The following USP9Y variants were observed in gnomAD, a reference collection of about 807,000 sequenced individuals.
The protein encoded by USP9Y is ubiquitin carboxyl-terminal hydrolase 9Y.
A neutral mutation model predicts 53.1 loss-of-function variants in USP9Y; 41 were observed. The observed-to-expected ratio is 0.77, with a 90% CI of 0.60 to 1.00. The LOEUF is 1.00. Among genes scored for constraint, USP9Y ranks in the 50% least tolerant of loss-of-function variants. USP9Y has a pLI of 0.00. For missense variants in USP9Y, 567 were observed against 535.8 expected, an observed-to-expected ratio of 1.06 and a Z score of -0.58; for synonymous variants, 220 against 173.7, an observed-to-expected ratio of 1.27 and a Z score of -2.09.
At position 12,811,655 on chromosome Y, in the gene USP9Y, T is replaced by C. The variant is rs1169201631; in HGVS notation, c.4260T>C (p.Gly1420=). 1 of 397,647 alleles carries C rather than the reference T, an allele frequency of 2.5e-6. No individual in the cohort carries two copies. Among genetic ancestry groups the C allele is most frequent in the Non-Finnish European group, 3.5e-6 (1 of 282,868 alleles). The change falls in exon 30 of 46, where the codon GGT becomes GGC. Residue 1420 remains glycine, a synonymous_variant. Transcript: ENST00000338981. ...KRIRDNVKNT[G]ETGVEEPILE... is the part of the protein sequence containing the mutation. ...TGCAGGATAATGTTAAAAACACAGG[T>C]GAAACAGGTGTCGAAGAGCCAATAC...
At chrY:12,704,967 T>C (rs2053418460) in intron 1 of USP9Y, among the ~76,000 whole-genome samples, 1 of 32,757 alleles carries the variant, frequency 3.1e-5, no homozygotes, top group African/African-American at 1.2e-4. Flanking sequence ...TTCTATTCTG[T>C]ATTTTATTTA....
intron 1 of USP9Y, among the ~76,000 whole-genome samples, chrY:12,706,178 A>C: frequency 6.1e-5 from 2 of 32,920 alleles, no homozygotes; most frequent in South Asian, 1.4e-3. Context: ...ATGTTGGACT[A>C]TGCTTCATCT....
At chrY:12,795,349 T>A (rs866602710) in intron 27 of USP9Y, among the ~76,000 whole-genome samples, 12 of 33,915 alleles carry the variant, frequency 3.5e-4, no homozygotes, top group Middle Eastern at 0.014. Context: ...ACTTTTTCTT[T>A]CCTTTTTGGA....
intron 33 of USP9Y, among the ~76,000 whole-genome samples, chrY:12,819,439 G>T: frequency 3.1e-5 from 1 of 32,508 alleles, no homozygotes; most frequent in Admixed American, 2.9e-4. Flanking sequence ...TGTAGTCTCA[G>T]CTCCTTTAGT....
At chrY:12,722,383 C>CAT (rs2053436683) in intron 5 of USP9Y, among the ~76,000 whole-genome samples, 196 bp downstream of exon 5, 11 of 30,816 alleles carry the variant, frequency 3.6e-4, no homozygotes, top group South Asian at 1.4e-3. Context: ...CACACACACA[C>CAT]ATATATATAT....
rs771405520 is a variant in USP9Y, at chrY:12,755,438, T to G, written c.1423-1754T>G. On this transcript the variant is annotated intron_variant, in intron 12 of 45. Transcript: ENST00000338981. Reference sequence around the variant, plus strand: ...CCTCAGCCTCCCAAAGTGCTGAGATTACAGCCATGAGCCACCGCGCCCAGC... The same window carrying G: ...CCTCAGCCTCCCAAAGTGCTGAGATGACAGCCATGAGCCACCGCGCCCAGC... 6.4e-4 allele frequency among the ~76,000 whole-genome samples: 21 copies of G among 32,580 alleles called. No individual in the cohort carries two copies. The South Asian group carries it at 0.015, about 23-fold the overall frequency. The allele number at this position is 32,580 out of a possible 37,273, so 87.4% of individuals were successfully genotyped here.
intron 22 of USP9Y, among the ~76,000 whole-genome samples, chrY:12,783,944 C>G (rs1017281004): frequency 2.4e-4 from 8 of 33,388 alleles, no homozygotes; most frequent in African/African-American, 1.2e-4. Flanking sequence ...TATTTATCTT[C>G]TCTACCAACC....
At chrY:12,764,577 C>G (rs2053478775) in intron 15 of USP9Y, among the ~76,000 whole-genome samples, 1 of 33,232 alleles carries the variant, frequency 3.0e-5, no homozygotes, top group African/African-American at 1.2e-4. Context: ...GTATTTTGTT[C>G]AAATCATTGC....
intron 33 of USP9Y, among the ~76,000 whole-genome samples, chrY:12,822,363 G>A (rs2053542316): frequency 3.2e-5 from 1 of 31,505 alleles, no homozygotes; most frequent in African/African-American, 1.2e-4. Context: ...ATGCTTAAGA[G>A]GTTTTTTCTT....
At chrY:12,788,511 A>T in intron 24 of USP9Y, among the ~76,000 whole-genome samples, 1 of 33,205 alleles carries the variant, frequency 3.0e-5, no homozygotes, top group Non-Finnish European at 7.4e-5. Flanking sequence ...TAGACCTCAC[A>T]TAATTTCTAA....
At chrY:12,809,134 A>T in intron 27 of USP9Y, among the ~76,000 whole-genome samples, 2 of 33,418 alleles carry the variant, frequency 6.0e-5, no homozygotes, top group African/African-American at 2.4e-4. Flanking sequence ...AGCTTTATAT[A>T]GGTCATGTTT....
At chrY:12,812,088 T>C in intron 30 of USP9Y, among the ~76,000 whole-genome samples, 1 of 33,362 alleles carries the variant, frequency 3.0e-5, no homozygotes, top group Non-Finnish European at 7.4e-5. Context: ...CTAAAGTGGG[T>C]GAGCCGCCGC....
At position 12,726,855 on chromosome Y, in the gene USP9Y, C is replaced by T. The variant is rs777221550; in HGVS notation, c.657+62C>T. The T allele has an allele frequency of 1.5e-5, 4 of 273,618 alleles. No homozygotes were observed. In the African/African-American group the frequency reaches 3.0e-4, roughly 20 times the overall value. 68.3% of individuals were successfully genotyped at this position (273,618 alleles called of 400,897 possible). A position where few individuals can be genotyped will look rare whatever the true frequency, so the allele number is the denominator to read the frequency against. ...TTTTTTTATTTGCATTTGCCACAGA[C>T]CATTAGTGATGTGAACCTGTCTTTA... On this transcript the variant is annotated intron_variant, in intron 7 of 45. Coordinates refer to ENST00000338981, the MANE Select transcript of USP9Y (RefSeq NM_004654.4).
At chrY:12,802,213 G>A (rs2148288109) in intron 27 of USP9Y, 1 of 34,565 alleles carries the variant, frequency 2.9e-5, no homozygotes, top group Non-Finnish European at 7.3e-5. Context: ...GAGAGACCAG[G>A]CATTTGGTAC....
intron 27 of USP9Y, among the ~76,000 whole-genome samples, chrY:12,809,592 C>T (rs2053527792): frequency 3.1e-5 from 1 of 32,785 alleles, no homozygotes; most frequent in Non-Finnish European, 7.5e-5. Flanking sequence ...ATCTGTATGT[C>T]TTCGAGGTTC....
intron 24 of USP9Y, 113 bp from the exon 25 acceptor site, chrY:12,790,294 A>G: frequency 4.7e-6 from 1 of 211,671 alleles, no homozygotes; most frequent in Non-Finnish European, 8.1e-6. Context: ...AAGGAATAAC[A>G]TGCCGAGGAA....
At chrY:12,770,779 G>A in intron 15 of USP9Y, among the ~76,000 whole-genome samples, 1 of 33,385 alleles carries the variant, frequency 3.0e-5, no homozygotes, top group East Asian at 7.8e-4. Context: ...ATGGAAACAT[G>A]ATGGTAAAAA....
At chrY:12,722,239 C>A in intron 5 of USP9Y, 52 bp downstream of exon 5, 1 of 321,303 alleles carries the variant, frequency 3.1e-6, no homozygotes, top group Non-Finnish European at 4.7e-6. Context: ...TATACTTACA[C>A]CTTGTTCTTA....
At chrY:12,768,956 T>A in intron 15 of USP9Y, among the ~76,000 whole-genome samples, 1 of 33,086 alleles carries the variant, frequency 3.0e-5, no homozygotes, top group East Asian at 7.8e-4. Flanking sequence ...TGTATTATTT[T>A]TGCACCTCGT....
Sources: allele counts gnomAD v4.1 joint callset (sites outside exome capture counted in the v4.1 genomes callset), GRCh38; gene constraint gnomAD v4.1.1; transcripts MANE v1.5; gene names NCBI Gene and HGNC (gene_info 2026-07-23, HGNC 2026-07-21).